Variants in GNAL observed in about 807,000 individuals in gnomAD.
GNAL encodes G protein subunit alpha L.
GNAL carries 18 observed loss-of-function variants against 55.1 expected under a neutral mutation model. The ratio of observed to expected loss-of-function variants is 0.33; its 90% CI spans 0.23 to 0.48. The LOEUF (loss-of-function observed/expected upper bound fraction) is 0.48. Ranked by LOEUF, GNAL falls within the 20% of genes least tolerant of loss-of-function variation. GNAL has a pLI of 0.99. For missense variants in GNAL, 412 were observed against 614.1 expected (o/e 0.67, Z 3.48); for synonymous variants, 253 against 237.0 (o/e 1.07, Z -0.62).
Position 11,751,624 on chromosome 18 carries a change from T to C in GNAL, c.377-1229T>C, listed in dbSNP as rs2032831739. 2 of 985,192 alleles carry C rather than the reference T, an allele frequency of 2.0e-6. No individual in the cohort carries two copies. Among genetic ancestry groups the C allele is most frequent in the African/African-American group, 1.7e-5 (1 of 57,214 alleles). The allele number at this position is 985,192 out of a possible 1,614,324, so 61.0% of individuals were successfully genotyped here. The stretch of plus-strand genomic sequence containing the variant: ...ACACGGGGCGCGCGCCCAGACGCAC[T>C]TTCCCGGCTCGGGGTGCAAGAGAGC... On this transcript the variant is annotated intron_variant, in intron 1 of 11. Coordinates refer to ENST00000334049, the MANE Select transcript of GNAL (RefSeq NM_182978.4). The surrounding 1 kb of genome is among the most constrained non-coding windows in gnomAD (Gnocchi z 4.5).
At chr18:11,715,012 G>A (rs180778251) in intron 1 of GNAL, among the ~76,000 whole-genome samples, 128 of 152,178 alleles carry the variant, frequency 8.4e-4, no homozygotes, top group Non-Finnish European at 1.7e-3. Context: ...AGGCATGGTG[G>A]TGCACACCTG....
intron 5 of GNAL, among the ~76,000 whole-genome samples, chr18:11,862,073 C>A (rs547315775): frequency 4.6e-5 from 7 of 152,102 alleles, no homozygotes; most frequent in African/African-American, 1.7e-4. Flanking sequence ...CTTGTACTCG[C>A]TTAGCCTTGG....
chr18:11,799,142 C>G (rs1485229207), intron 4 of GNAL, among the ~76,000 whole-genome samples: 1 of 151,776 alleles, frequency 6.6e-6, no homozygotes, highest in Non-Finnish European at 1.5e-5. Context: ...AATGAACACA[C>G]CTTTTAACAT....
intron 5 of GNAL, among the ~76,000 whole-genome samples, chr18:11,829,533 AAAAG>A (rs1225552433): frequency 4.6e-5 from 7 of 152,216 alleles, no homozygotes; most frequent in African/African-American, 7.2e-5. Context: ...GTCACTTCAT[AAAAG>A]AAAGGACATT....
intron 5 of GNAL, among the ~76,000 whole-genome samples, chr18:11,850,097 G>A (rs1445165412): frequency 6.6e-6 from 1 of 152,194 alleles, no homozygotes; most frequent in Non-Finnish European, 1.5e-5. Context: ...CCAGGCAACA[G>A]GAACAGCATA....
intron 5 of GNAL, among the ~76,000 whole-genome samples, chr18:11,849,997 G>C (rs2035821524): frequency 2.6e-5 from 4 of 152,204 alleles, no homozygotes; most frequent in Admixed American, 1.3e-4. Context: ...TGGCCACACA[G>C]AGGAGGAGTC....
Position 11,868,482 on chromosome 18 carries a change from T to G in GNAL, c.911-61T>G. The stretch of plus-strand genomic sequence containing the variant: ...ACTGAGTAGCTGCTGGGTGTGTACT[T>G]TCTTGTAACTCCACAGTGAGGATGT... On this transcript the variant is annotated intron_variant, in intron 8 of 11. Coordinates refer to ENST00000334049, the MANE Select transcript of GNAL (RefSeq NM_182978.4). This position sits in a 1 kb window ranked among gnomAD's most constrained non-coding sequence, Gnocchi z 4.0. The G allele has an allele frequency of 2.0e-6, 3 of 1,467,578 alleles. No homozygotes were observed. The highest frequency in any genetic ancestry group is 1.2e-5 in the South Asian group (1 of 81,138). 90.9% of individuals were successfully genotyped at this position (1,467,578 alleles called of 1,614,324 possible).
At position 11,884,879 on chromosome 18, in the gene GNAL, C is replaced by T; in HGVS notation, c.*3744C>T. The T allele has an allele frequency of 7.5e-7, 1 of 1,332,378 alleles. No homozygotes were observed. Among genetic ancestry groups the T allele is most frequent in the Non-Finnish European group, 9.7e-7 (1 of 1,034,828 alleles). The allele number at this position is 1,332,378 out of a possible 1,614,324, so 82.5% of individuals were successfully genotyped here. A position where few individuals can be genotyped will look rare whatever the true frequency, so the allele number is the denominator to read the frequency against. On this transcript the variant is annotated 3_prime_UTR_variant, in exon 12 of 12. Transcript: ENST00000334049. ...AGTGGAAAATGTCTGGGACACTGACCTGTCAAAACTGGCCCCTGGCTCACT... is the reference window on the plus strand; with the variant it reads ...AGTGGAAAATGTCTGGGACACTGACTTGTCAAAACTGGCCCCTGGCTCACT...
At chr18:11,708,906 A>C (rs1042634048) in intron 1 of GNAL, among the ~76,000 whole-genome samples, 1 of 152,196 alleles carries the variant, frequency 6.6e-6, no homozygotes, top group Non-Finnish European at 1.5e-5. Flanking sequence ...CTTTTTTCCT[A>C]TATTTTCGTT....
intron 4 of GNAL, among the ~76,000 whole-genome samples, chr18:11,800,584 C>T (rs1360430981): frequency 6.6e-6 from 1 of 152,114 alleles, no homozygotes; most frequent in Admixed American, 6.5e-5. Flanking sequence ...AGGCCACTGC[C>T]TTTGGTAGGA....
chr18:11,793,764 A>G (rs1301617012), intron 4 of GNAL, among the ~76,000 whole-genome samples: 1 of 151,460 alleles, frequency 6.6e-6, no homozygotes, highest in Non-Finnish European at 1.5e-5. Flanking sequence ...CCTCTACTAA[A>G]AATAAAAAAT....
At chr18:11,777,477 G>A (rs1045428829) in intron 4 of GNAL, among the ~76,000 whole-genome samples, 2 of 152,184 alleles carry the variant, frequency 1.3e-5, no homozygotes, top group East Asian at 3.9e-4. Context: ...TACTTGACAT[G>A]AGAATATAAT....
chr18:11,850,611 T>C (rs1054678960), intron 5 of GNAL, among the ~76,000 whole-genome samples: 1 of 152,240 alleles, frequency 6.6e-6, no homozygotes, highest in African/African-American at 2.4e-5. Context: ...ATACTCTGCC[T>C]GCATAATTTA....
chr18:11,788,909 A>T (rs2034139474), intron 4 of GNAL, among the ~76,000 whole-genome samples: 1 of 101,160 alleles, frequency 9.9e-6, no homozygotes, highest in Non-Finnish European at 2.0e-5. Context: ...AAAAAAAAAA[A>T]AAAAAATATA....
At chr18:11,813,709 A>G (rs1233399744) in intron 4 of GNAL, among the ~76,000 whole-genome samples, 2 of 152,076 alleles carry the variant, frequency 1.3e-5, no homozygotes, top group Non-Finnish European at 2.9e-5. Context: ...ATCCACCTTC[A>G]TATGGTCCAT....
intron 5 of GNAL, among the ~76,000 whole-genome samples, chr18:11,861,374 A>G (rs139707215): frequency 0.015 from 2,238 of 152,166 alleles, 28 homozygotes; most frequent in Non-Finnish European, 0.023. Flanking sequence ...CCAGCCTCTC[A>G]GCCCTCAATG....
At chr18:11,866,976 C>T (rs1025316883) in intron 7 of GNAL, among the ~76,000 whole-genome samples, 192 bp from the exon 8 acceptor site, 3 of 152,104 alleles carry the variant, frequency 2.0e-5, no homozygotes, top group African/African-American at 7.2e-5. Flanking sequence ...GGAGGGACTG[C>T]GGCTGAGAGA....
chr18:11,767,415 C>T (rs1178184124), intron 4 of GNAL, among the ~76,000 whole-genome samples: 5 of 151,008 alleles, frequency 3.3e-5, no homozygotes, highest in African/African-American at 1.2e-4. Context: ...TACTTGTACC[C>T]CTGCCGCTGT....
chr18:11,752,636 G>C lies in GNAL; in HGVS notation c.377-217G>C, dbSNP rs2032891101. On this transcript the variant is annotated intron_variant, in intron 1 of 11. Transcript: ENST00000334049. The surrounding 1 kb of genome is among the most constrained non-coding windows in gnomAD (Gnocchi z 4.5). ...CCCAGCGGAGCGCACAGCCAGGAGC[G>C]GCGAGCGCCAGGCTGGGCGGGCAGG... The C allele has an allele frequency of 2.0e-6, 3 of 1,483,046 alleles. No individual in the cohort carries two copies. Among genetic ancestry groups the C allele is most frequent in the East Asian group, 2.8e-5 (1 of 36,220 alleles). 91.9% of individuals were successfully genotyped at this position (1,483,046 alleles called of 1,614,324 possible).
Sources: allele counts gnomAD v4.1 joint callset (sites outside exome capture counted in the v4.1 genomes callset), GRCh38; gene constraint gnomAD v4.1.1; non-coding constraint Gnocchi (gnomAD v3.1); transcripts MANE v1.5; gene names NCBI Gene and HGNC (gene_info 2026-07-23, HGNC 2026-07-21).